RASA3: variants seen among roughly 807,000 people sequenced by gnomAD.
The protein encoded by RASA3 is RAS p21 protein activator 3.
Under a neutral mutation model 110.0 loss-of-function variants are expected in RASA3, and 73 were observed. That is an observed-to-expected ratio of 0.66 (90% CI 0.55 to 0.81). The LOEUF is 0.81. Among genes scored for constraint, RASA3 ranks in the 30% least tolerant of loss-of-function variants. The pLI is 0.00. For missense variants in RASA3, 976 were observed against 1,113.2 expected (o/e 0.88, Z 1.75); for synonymous variants, 500 against 451.4 (o/e 1.11, Z -1.37).
chr13:113,993,806 T>TAAAAAAA (rs35450759), intron 21 of RASA3, among the ~76,000 whole-genome samples: 124 of 85,534 alleles, frequency 1.4e-3, no homozygotes, highest in African/African-American at 2.9e-3. Context: ...AGACTCTGCC[T>TAAAAAAA]AAAAAAAAAA....
At chr13:113,981,464 G>C (rs2139038302) in intron 23 of RASA3, among the ~76,000 whole-genome samples, 1 of 152,318 alleles carries the variant, frequency 6.6e-6, no homozygotes, top group South Asian at 2.1e-4. Context: ...GGAGAGCAAA[G>C]GCAGCACCTG....
chr13:114,103,782 A>ACGGC (rs2080091607), intron 1 of RASA3, among the ~76,000 whole-genome samples: 1 of 608 alleles, frequency 1.6e-3, no homozygotes, highest in Non-Finnish European at 5.1e-3. Context: ...CCATGCTGCC[A>ACGGC]CAGCCACGGA....
At chr13:113,996,790 G>C in intron 20 of RASA3, 51 bp from the exon 21 acceptor site, 2 of 1,521,922 alleles carry the variant, frequency 1.3e-6, no homozygotes, top group Non-Finnish European at 1.8e-6. Flanking sequence ...TCGTGGCTGA[G>C]CACGTGCAAG....
chr13:114,013,915 TCTCTCTCCGTCTCTCTCTCCCTG>T (rs2053721668), intron 14 of RASA3, among the ~76,000 whole-genome samples: 1 of 90,010 alleles, frequency 1.1e-5, no homozygotes, highest in African/African-American at 7.3e-5. Context: ...TCTCTGTCTC[TCTCTCTCCGTCTCTCTCTCCCTG>T]TCTCTATCTC....
intron 22 of RASA3, among the ~76,000 whole-genome samples, chr13:113,990,447 C>T (rs2053081574): frequency 6.6e-6 from 1 of 152,206 alleles, no homozygotes; most frequent in South Asian, 2.1e-4. Flanking sequence ...GCCTGGTCAG[C>T]ATCTTTCAGA....
At chr13:113,998,715 C>T (rs977692531) in intron 20 of RASA3, among the ~76,000 whole-genome samples, 4 of 152,224 alleles carry the variant, frequency 2.6e-5, no homozygotes, top group East Asian at 1.9e-4. Flanking sequence ...TCGGCACATC[C>T]GACAAACCCA....
At chr13:114,045,623 G>A (rs1028365787) in intron 3 of RASA3, among the ~76,000 whole-genome samples, 1 of 152,108 alleles carries the variant, frequency 6.6e-6, no homozygotes, top group African/African-American at 2.4e-5. Context: ...TTTATTCATA[G>A]AATGTACAAA....
intron 21 of RASA3, among the ~76,000 whole-genome samples, chr13:113,994,098 G>T (rs927425708): frequency 6.6e-6 from 1 of 152,168 alleles, no homozygotes; most frequent in African/African-American, 2.4e-5. Context: ...TGAAACGTCT[G>T]TAATTTTTTC....
rs912356370 is a variant in RASA3 at position 113,978,463 on chromosome 13, A to T, written c.*884T>A. Reference sequence around the variant, plus strand: ...GTTACTTTGTATCAAAGAGCTAATTAAAAATGGTCCTTCAAAAACATAAAG... The same window carrying T: ...GTTACTTTGTATCAAAGAGCTAATTTAAAATGGTCCTTCAAAAACATAAAG... On this transcript the variant is annotated 3_prime_UTR_variant, in exon 24 of 24. Transcript: ENST00000334062. 3 of 152,238 alleles carry T rather than the reference A, an allele frequency of 2.0e-5. No individual in the cohort carries two copies. Among genetic ancestry groups the T allele is most frequent in the African/African-American group, 7.2e-5 (3 of 41,470 alleles). The allele number at this position is 152,238 out of a possible 1,614,324, so 9.4% of individuals were successfully genotyped here.
At chr13:114,099,114 C>T (rs1391009658) in intron 1 of RASA3, among the ~76,000 whole-genome samples, 9 of 33,896 alleles carry the variant, frequency 2.7e-4, no homozygotes, top group African/African-American at 6.9e-4. Context: ...CCCGGCCACC[C>T]GAGCCCCCCA....
chr13:114,106,074 A>T (rs550925683), intron 1 of RASA3, among the ~76,000 whole-genome samples: 1 of 152,334 alleles, frequency 6.6e-6, no homozygotes, highest in East Asian at 1.9e-4. Flanking sequence ...ATGGGTGCAC[A>T]TCGCAGAGCG....
intron 16 of RASA3, among the ~76,000 whole-genome samples, chr13:114,009,781 G>A (rs928350633): frequency 6.6e-6 from 1 of 152,200 alleles, no homozygotes; most frequent in African/African-American, 2.4e-5. Flanking sequence ...GTACGTTGGG[G>A]CCCAGATGTG....
At chr13:114,016,059 G>T (rs1594326958) in intron 13 of RASA3, 138 bp downstream of exon 13, 1 of 690,806 alleles carries the variant, frequency 1.4e-6, no homozygotes, top group African/African-American at 1.8e-5. Context: ...CTGCAGCCGG[G>T]TGAGGCGGGT....
chr13:114,015,907 C>T (rs745428738), intron 13 of RASA3, among the ~76,000 whole-genome samples: 32 of 151,800 alleles, frequency 2.1e-4, no homozygotes, highest in South Asian at 2.1e-4. Context: ...GCAGACCCTC[C>T]GGGGGGGCAG....
chr13:114,076,515 A>G (rs1424554151), intron 1 of RASA3, among the ~76,000 whole-genome samples: 3 of 151,876 alleles, frequency 2.0e-5, no homozygotes, highest in African/African-American at 7.2e-5. Context: ...CACGCAGCGC[A>G]CACACGCAGC....
chr13:114,079,843 C>A (rs928185249), intron 1 of RASA3, among the ~76,000 whole-genome samples: 1 of 152,088 alleles, frequency 6.6e-6, no homozygotes, highest in Non-Finnish European at 1.5e-5. Flanking sequence ...GCCTCCCCAC[C>A]CGGCACCCTC....
intron 4 of RASA3, among the ~76,000 whole-genome samples, chr13:114,036,974 C>T (rs2054290162): frequency 6.6e-6 from 1 of 152,180 alleles, no homozygotes; most frequent in African/African-American, 2.4e-5. Flanking sequence ...AGAGCAATGA[C>T]CTTGCCTCCT....
At chr13:114,122,255 G>A (rs1368920741) in intron 1 of RASA3, among the ~76,000 whole-genome samples, 2 of 152,232 alleles carry the variant, frequency 1.3e-5, no homozygotes, top group South Asian at 4.1e-4. Context: ...AGACTGGGGG[G>A]GATCTGGAAT....
At chr13:113,981,881 C>T (rs767860733) in intron 22 of RASA3, 23 bp from the exon 23 acceptor site, 21 of 1,604,742 alleles carry the variant, frequency 1.3e-5, no homozygotes, top group East Asian at 1.1e-4. Context: ...GAGGGGTCAG[C>T]GCAGGGCAGG....
Sources: gnomAD v4.1 joint callset for allele counts (sites outside exome capture counted in the v4.1 genomes callset) on GRCh38, gnomAD v4.1.1 for gene constraint, MANE v1.5 for transcripts, NCBI Gene and HGNC (gene_info 2026-07-23, HGNC 2026-07-21) for gene names.